The following EPHB4 variants were observed in gnomAD, a reference collection of about 807,000 sequenced individuals.
The protein encoded by EPHB4 is ephrin type-B receptor 4.
In EPHB4, 50 loss-of-function variants were observed where a neutral mutation model predicts 110.6. That is an observed-to-expected ratio of 0.45 (90% CI 0.36 to 0.57). The LOEUF (loss-of-function observed/expected upper bound fraction) is 0.57. EPHB4 is among the 20% of genes least tolerant of loss of function. The pLI, the probability that EPHB4 is intolerant of heterozygous loss-of-function variation, is 0.00. For missense variants in EPHB4, 1,128 were observed against 1,382.1 expected (o/e 0.82, Z 2.91); for synonymous variants, 592 against 578.4 (o/e 1.02, Z -0.34).
At chr7:100,811,706 A>G (rs1057366301) in intron 12 of EPHB4, among the ~76,000 whole-genome samples, 1 of 151,758 alleles carries the variant, frequency 6.6e-6, no homozygotes, top group Non-Finnish European at 1.5e-5. Context: ...CTGTCTCTAC[A>G]AAAAATTTTA....
At chr7:100,813,260 CG>C (rs1381720948) in intron 10 of EPHB4, 52 bp from the exon 11 acceptor site, 4 of 1,382,660 alleles carry the variant, frequency 2.9e-6, no homozygotes, top group Non-Finnish European at 4.0e-6. Flanking sequence ...CCACTGGACT[CG>C]GAGGCTCGGC....
chr7:100,827,497 G>T lies in EPHB4; in HGVS notation c.-467C>A, dbSNP rs994524819. The T allele has an allele frequency of 6.6e-6, 1 of 151,544 alleles. No homozygotes were observed. The highest frequency in any genetic ancestry group is 1.9e-4 in the South Asian group (1 of 5,370). 9.4% of individuals were successfully genotyped at this position (151,544 alleles called of 1,614,324 possible). A position where few individuals can be genotyped will look rare whatever the true frequency, so the allele number is the denominator to read the frequency against. On this transcript the variant is annotated 5_prime_UTR_variant, in exon 1 of 17. Transcript: ENST00000358173. ...GGCGCGGAGCCGGGCGGGCCGGGCC[G>T]GGCAGGGGCTGAGCTGCGCTGGAAC...
At chr7:100,806,636 C>G in intron 13 of EPHB4, 67 bp from the exon 14 acceptor site, 1 of 1,513,054 alleles carries the variant, frequency 6.6e-7, no homozygotes, top group Admixed American at 2.0e-5. Flanking sequence ...CAGCACACTG[C>G]CCCCCAGTCC....
chr7:100,806,619 C>A (rs1812823187), intron 13 of EPHB4, 50 bp from the exon 14 acceptor site: 1 of 1,576,314 alleles, frequency 6.3e-7, no homozygotes, highest in African/African-American at 1.3e-5. Context: ...GAGGGACTCA[C>A]CAGACCCAGC....
intron 2 of EPHB4, 106 bp from the exon 3 acceptor site, chr7:100,824,037 G>C (rs911662101): frequency 6.6e-7 from 1 of 1,511,646 alleles, no homozygotes; most frequent in Non-Finnish European, 8.9e-7. Flanking sequence ...GGGGCTGCTG[G>C]TACTGCGAGG....
Position 100,820,225 on chromosome 7 carries a change from A to G in EPHB4, c.880T>C (p.Ser294Pro). The G allele has an allele frequency of 6.2e-7, 1 of 1,614,124 alleles. No individual in the cohort carries two copies. The highest frequency in any genetic ancestry group is 8.5e-7 in the Non-Finnish European group (1 of 1,180,008). ...SCQPCPANSH[S>P]NTIGSAVCQC... is the part of the protein sequence containing the mutation. The stretch of plus-strand genomic sequence containing the variant: ...CAGACGGCTGATCCAATGGTGTTAG[A>G]GTGGCTATTGGCTGGGCATGGCTGG... The change falls in exon 5 of 17, where the codon TCT becomes CCT. Residue 294 changes from serine (S) to proline (P), a missense_variant. Ser to Pro is a moderately conservative substitution (Grantham distance 74). Coordinates refer to ENST00000358173, the MANE Select transcript of EPHB4 (RefSeq NM_004444.5).
chr7:100,811,851 CAG>C (rs1812941559), intron 12 of EPHB4, among the ~76,000 whole-genome samples: 2 of 148,442 alleles, frequency 1.3e-5, no homozygotes, highest in African/African-American at 2.5e-5. Context: ...GCCTAGAGGA[CAG>C]AGTGAGACTC....
chr7:100,816,745 T>C (rs568597832), intron 8 of EPHB4, among the ~76,000 whole-genome samples: 2 of 152,080 alleles, frequency 1.3e-5, no homozygotes, highest in Admixed American at 1.3e-4. Context: ...TTACGTTCTC[T>C]CCTCTCTAGG....
intron 4 of EPHB4, chr7:100,820,509 G>A: frequency 2.2e-6 from 1 of 453,670 alleles, no homozygotes; most frequent in Non-Finnish European, 3.7e-6. Context: ...GGCTGATGAA[G>A]TGCTAAGGTG....
Position 100,819,879 on chromosome 7 carries a change from C to G in EPHB4, c.975G>C (p.Ser325=), listed in dbSNP as rs540693969. 9 of 1,544,568 alleles carry G rather than the reference C, an allele frequency of 5.8e-6. No homozygotes were observed. The South Asian group carries it at 1.1e-4, about 18-fold the overall frequency. Residue 325 remains serine (S), a synonymous_variant, in exon 6 of 17, where the codon TCG becomes TCC. Coordinates refer to ENST00000358173, the MANE Select transcript of EPHB4 (RefSeq NM_004444.5). ...GGCGGGAAACCACGCTCCGCGGAGC[C>G]GAAGGAGGGGCTGCAGGAGACCAGG... The part of the protein sequence containing the change: ...PRGAPCTTPP[S]APRSVVSRLN...
chr7:100,819,452 C>T, intron 6 of EPHB4, 105 bp downstream of exon 6: 1 of 1,338,774 alleles, frequency 7.5e-7, no homozygotes, highest in Non-Finnish European at 1.0e-6. Context: ...CTTAGCCCCT[C>T]ACACTTCCGG....
intron 1 of EPHB4, among the ~76,000 whole-genome samples, chr7:100,826,031 T>A (rs1418239770): frequency 1.3e-5 from 2 of 152,168 alleles, no homozygotes; most frequent in Non-Finnish European, 2.9e-5. Context: ...CGCCGCTGAA[T>A]CCTTCCCTTT....
intron 12 of EPHB4, among the ~76,000 whole-genome samples, chr7:100,811,959 G>A (rs1812945191): frequency 6.6e-6 from 1 of 151,856 alleles, no homozygotes; most frequent in Non-Finnish European, 1.5e-5. Flanking sequence ...ATCACCTGAG[G>A]TCGGGAGTTC....
rs1584666334 is a variant in EPHB4 at position 100,822,807 on chromosome 7, C to G, written c.412-140G>C. The G allele has an allele frequency of 3.8e-6, 5 of 1,303,312 alleles. No homozygotes were observed. Among genetic ancestry groups the G allele is most frequent in the Non-Finnish European group, 5.1e-6 (5 of 981,894 alleles). The allele number at this position is 1,303,312 out of a possible 1,614,324, so 80.7% of individuals were successfully genotyped here. A position where few individuals can be genotyped will look rare whatever the true frequency, so the allele number is the denominator to read the frequency against. On this transcript the variant is annotated intron_variant, in intron 3 of 16. Transcript: ENST00000358173. This position sits in a 1 kb window ranked among gnomAD's most constrained non-coding sequence, Gnocchi z 4.7. ...TTCCCTCCACCTTCCCCAGGGCACA[C>G]TTTCTGCAGGCCCCCACACTGTCCA...
intron 8 of EPHB4, 68 bp from the exon 9 acceptor site, chr7:100,814,089 G>A: frequency 2.6e-6 from 4 of 1,559,650 alleles, no homozygotes; most frequent in Non-Finnish European, 3.5e-6. Context: ...CCCCGGCTTT[G>A]AGCAATGAAC....
chr7:100,818,613 C>T lies in EPHB4; in HGVS notation c.1329G>A (p.Thr443=), dbSNP rs766782505. The T allele has an allele frequency of 2.0e-5, 32 of 1,612,544 alleles. No homozygotes were observed. The highest frequency in any genetic ancestry group is 7.7e-5 in the South Asian group (7 of 91,074). ...VPPAVSDIRV[T]RSSPSSLSLA... is the part of the protein sequence containing the mutation. ...GGCTCAAGCTGCTGGGTGAGGACCG[C>T]GTCACCCGGATGTCAGACACTGCAG... Residue 443 remains threonine, a synonymous_variant, in exon 7 of 17, where the codon ACG becomes ACA. Coordinates refer to ENST00000358173, the MANE Select transcript of EPHB4 (RefSeq NM_004444.5).
intron 12 of EPHB4, among the ~76,000 whole-genome samples, chr7:100,811,449 C>T (rs1812931660): frequency 6.6e-6 from 1 of 152,042 alleles, no homozygotes; most frequent in South Asian, 2.1e-4. Context: ...AATTTTCAGT[C>T]CCCCTGCCCC....
chr7:100,823,719 G>A lies in EPHB4; in HGVS notation c.336C>T (p.Thr112=), dbSNP rs754453351. 46 of 1,613,646 alleles carry A rather than the reference G, an allele frequency of 2.9e-5. No individual in the cohort carries two copies. The highest frequency in any genetic ancestry group is 9.3e-5 in the African/African-American group (7 of 75,066). Residue 112 remains threonine (T), a synonymous_variant, in exon 3 of 17, where the codon ACC becomes ACT. Coordinates refer to ENST00000358173, the MANE Select transcript of EPHB4 (RefSeq NM_004444.5). ...RAGRSCKETF[T]VFYYESDADT... The stretch of plus-strand genomic sequence containing the variant: ...CCGCATCGCTCTCATAGTAGAAGAC[G>A]GTGAAGGTCTCCTTGCAGGAGCGCC...
At chr7:100,820,464 C>CAAAA in intron 4 of EPHB4, 168 bp from the exon 5 acceptor site, 2 of 423,460 alleles carry the variant, frequency 4.7e-6, no homozygotes, top group East Asian at 4.7e-5. Flanking sequence ...GATCCCATCT[C>CAAAA]CAAAAAAAAA....
Sources: gnomAD v4.1 joint callset for allele counts (sites outside exome capture counted in the v4.1 genomes callset) on GRCh38, gnomAD v4.1.1 for gene constraint, Gnocchi (gnomAD v3.1) non-coding constraint, MANE v1.5 for transcripts, NCBI Gene and HGNC (gene_info 2026-07-23, HGNC 2026-07-21) for gene names.